MCCC1: variants seen among roughly 807,000 people sequenced by gnomAD.
MCCC1 encodes methylcrotonoyl-CoA carboxylase subunit alpha, mitochondrial.
A neutral mutation model predicts 83.8 loss-of-function variants in MCCC1; 64 were observed. That is an observed-to-expected ratio of 0.76 (90% CI 0.62 to 0.94). The LOEUF (loss-of-function observed/expected upper bound fraction) is 0.94. Ranked by LOEUF, MCCC1 falls within the 40% of genes least tolerant of loss-of-function variation. MCCC1 has a pLI of 0.00. For missense variants in MCCC1, 807 were observed against 904.7 expected, an observed-to-expected ratio of 0.89 and a Z score of 1.39; for synonymous variants, 322 against 315.4, an observed-to-expected ratio of 1.02 and a Z score of -0.22.
At chr3:183,112,829 C>T (rs572535171) in intron 1 of MCCC1, among the ~76,000 whole-genome samples, 1 of 152,076 alleles carries the variant, frequency 6.6e-6, no homozygotes, top group East Asian at 1.9e-4. Context: ...AATCTCAGCC[C>T]TTTGGGAGCT....
intron 12 of MCCC1, among the ~76,000 whole-genome samples, chr3:183,038,035 C>T (rs1490655847): frequency 6.6e-6 from 1 of 152,170 alleles, no homozygotes; most frequent in African/African-American, 2.4e-5. Context: ...TCATCCATTC[C>T]TTCATTCATT....
intron 9 of MCCC1, among the ~76,000 whole-genome samples, chr3:183,051,508 T>C (rs1028258811): frequency 6.6e-6 from 1 of 151,836 alleles, no homozygotes; most frequent in Non-Finnish European, 1.5e-5. Context: ...CTGCCGGGGT[T>C]TAGGGGGGAT....
At chr3:183,032,461 T>C (rs891369056) in intron 14 of MCCC1, among the ~76,000 whole-genome samples, 2 of 152,172 alleles carry the variant, frequency 1.3e-5, no homozygotes, top group Non-Finnish European at 1.5e-5. Flanking sequence ...TATAAAGATG[T>C]TTACAAATTT....
chr3:183,037,710 C>A (rs1713744191), intron 12 of MCCC1, among the ~76,000 whole-genome samples: 1 of 152,172 alleles, frequency 6.6e-6, no homozygotes, highest in Non-Finnish European at 1.5e-5. Context: ...GCTGGAAATA[C>A]CGAGGCACTT....
At chr3:183,015,600 G>A (rs1342172313) in intron 18 of MCCC1, 34 bp from the exon 19 acceptor site, 5 of 1,613,410 alleles carry the variant, frequency 3.1e-6, no homozygotes, top group Admixed American at 1.7e-5. Context: ...AATGATAGCT[G>A]CAATACTAAT....
At chr3:183,090,575 A>G (rs1003007945) in intron 3 of MCCC1, among the ~76,000 whole-genome samples, 3 of 151,002 alleles carry the variant, frequency 2.0e-5, no homozygotes, top group African/African-American at 7.3e-5. Context: ...TTACTCTCTT[A>G]TTTTGGGAAA....
intron 8 of MCCC1, among the ~76,000 whole-genome samples, chr3:183,054,221 T>C (rs1715235422): frequency 1.3e-5 from 2 of 149,372 alleles, no homozygotes; most frequent in South Asian, 4.2e-4. Context: ...AGTCTTGCTC[T>C]GTCGCCCAGG....
intron 1 of MCCC1, among the ~76,000 whole-genome samples, chr3:183,097,177 T>C (rs977342818): frequency 6.6e-6 from 1 of 152,166 alleles, no homozygotes; most frequent in African/African-American, 2.4e-5. Context: ...TCCCCGGAGC[T>C]TGCAGTGAGC....
intron 14 of MCCC1, among the ~76,000 whole-genome samples, chr3:183,026,129 A>C (rs1712578509): frequency 6.6e-6 from 1 of 152,114 alleles, no homozygotes; most frequent in South Asian, 2.1e-4. Flanking sequence ...TGCAGCCTTA[A>C]CCTCCTGGGG....
rs138369653 is a variant in MCCC1 at position 183,110,684 on chromosome 3, G to A, written c.-102+4790C>T. On this transcript the variant is annotated intron_variant, in intron 1 of 17. Coordinates refer to the MCCC1 transcript ENST00000492597. ...GATGGGATTACAGGCGTAAGCCACCGCACCCGGCCTAGTCACAAATTTTTT... is the reference window on the plus strand; with the variant it reads ...GATGGGATTACAGGCGTAAGCCACCACACCCGGCCTAGTCACAAATTTTTT... Among the ~76,000 whole-genome samples, 151 of 150,960 alleles carry A rather than the reference G, an allele frequency of 1.0e-3. 1 individual carries two copies. Among genetic ancestry groups the A allele is most frequent in the African/African-American group, 3.4e-3 (142 of 41,180 alleles).
At chr3:183,034,206 T>C in intron 13 of MCCC1, 129 bp from the exon 14 acceptor site, 2 of 671,584 alleles carry the variant, frequency 3.0e-6, no homozygotes, top group East Asian at 2.9e-5. Flanking sequence ...ATCCCAGCAC[T>C]TTGGGAGGCC....
upstream of MCCC1, among the ~76,000 whole-genome samples, chr3:183,101,447 G>A (rs1719291429): frequency 6.6e-6 from 1 of 152,198 alleles, no homozygotes; most frequent in African/African-American, 2.4e-5. Context: ...TTTAGCTCAA[G>A]GTTTGTGAAT....
chr3:183,092,514 G>C lies in MCCC1; in HGVS notation c.168C>G (p.Asn56Lys), dbSNP rs1057520695. 6.2e-7 allele frequency: 1 copy of C among 1,614,140 alleles called. No homozygotes were observed. Among genetic ancestry groups the C allele is most frequent in the South Asian group, 1.1e-5 (1 of 91,084 alleles). Reference protein sequence around the residue: ...GRNITKVLIANRGEIACRVMR... With the variant: ...GRNITKVLIAKRGEIACRVMR... ...TCACCCTGCAGGCAATTTCTCCTCT[G>C]TTTGCAATGAGGACCTTGGTAATGT... is the stretch of plus-strand genomic sequence containing the variant. The change falls in exon 3 of 19, where the codon AAC becomes AAG. Residue 56 changes from asparagine (N) to lysine (K), a missense_variant. Asn to Lys is a moderately conservative substitution (Grantham distance 94, BLOSUM62 0). Coordinates refer to ENST00000265594, the MANE Select transcript of MCCC1 (RefSeq NM_020166.5).
At chr3:183,058,397 C>G (rs886625016) in intron 7 of MCCC1, among the ~76,000 whole-genome samples, 4 of 152,190 alleles carry the variant, frequency 2.6e-5, no homozygotes, top group Non-Finnish European at 4.4e-5. Flanking sequence ...AGGAGGACTG[C>G]TTGAACCCAG....
chr3:183,110,500 T>A (rs1309434925), intron 1 of MCCC1, among the ~76,000 whole-genome samples: 1 of 151,786 alleles, frequency 6.6e-6, no homozygotes, highest in African/African-American at 2.4e-5. Flanking sequence ...TTCACGCCAT[T>A]CTCCTGCCTC....
intron 14 of MCCC1, among the ~76,000 whole-genome samples, chr3:183,029,747 C>G (rs1012447165): frequency 2.6e-5 from 4 of 152,030 alleles, no homozygotes; most frequent in Admixed American, 2.6e-4. Flanking sequence ...TACTACAAAG[C>G]TGCCAAATTC....
chr3:183,104,278 C>T (rs1019262031), upstream of MCCC1, among the ~76,000 whole-genome samples: 33 of 152,090 alleles, frequency 2.2e-4, no homozygotes, highest in Non-Finnish European at 4.3e-4. Flanking sequence ...CGAGCGAGGG[C>T]TGTGAGGACT....
At chr3:183,018,349 C>G (rs1711859857) in intron 17 of MCCC1, among the ~76,000 whole-genome samples, 1 of 140,400 alleles carries the variant, frequency 7.1e-6, no homozygotes, top group Admixed American at 7.0e-5. Flanking sequence ...GTCAAATGCA[C>G]TGGTCAAATC....
chr3:183,109,230 G>A (rs769128243), intron 1 of MCCC1, among the ~76,000 whole-genome samples: 9 of 152,118 alleles, frequency 5.9e-5, no homozygotes, highest in Admixed American at 1.3e-4. Flanking sequence ...GACATCTGGT[G>A]ATCCGCCCAC....
Sources: gnomAD v4.1 joint callset for allele counts (sites outside exome capture counted in the v4.1 genomes callset) on GRCh38, gnomAD v4.1.1 for gene constraint, MANE v1.5 for transcripts, NCBI Gene and HGNC (gene_info 2026-07-23, HGNC 2026-07-21) for gene names.